Variants in THEMIS observed in about 807,000 individuals in gnomAD.
THEMIS encodes the protein protein THEMIS.
THEMIS carries 37 observed loss-of-function variants against 52.6 expected under a neutral mutation model. The observed-to-expected ratio is 0.70, with a 90% confidence interval of 0.54 to 0.93. The LOEUF (loss-of-function observed/expected upper bound fraction) is 0.93, where lower values mean the gene tolerates loss of function less well. Among genes scored for constraint, THEMIS ranks in the 40% least tolerant of loss-of-function variants. The pLI, the probability that THEMIS is intolerant of heterozygous loss-of-function variation, is 0.00. For missense variants in THEMIS, 808 were observed against 763.1 expected, an observed-to-expected ratio of 1.06 and a Z score of -0.69; for synonymous variants, 292 against 272.7, an observed-to-expected ratio of 1.07 and a Z score of -0.70.
chr6:127,874,566 C>CA (rs1353179500), intron 1 of THEMIS, among the ~76,000 whole-genome samples: 3 of 151,822 alleles, frequency 2.0e-5, no homozygotes, highest in Non-Finnish European at 2.9e-5. Context: ...TTCAAATCTC[C>CA]AAAAAAATCT....
intron 4 of THEMIS, among the ~76,000 whole-genome samples, chr6:127,746,947 T>A (rs1316463549): frequency 4.9e-5 from 4 of 81,242 alleles, no homozygotes; most frequent in Non-Finnish European, 8.4e-5. Context: ...ATATTATATA[T>A]AATTATATAT....
At chr6:127,781,662 G>T (rs981052976) in intron 4 of THEMIS, among the ~76,000 whole-genome samples, 2 of 152,090 alleles carry the variant, frequency 1.3e-5, no homozygotes, top group South Asian at 4.1e-4. Context: ...TCTGCTGCAG[G>T]TCTGCTGGAG....
intron 4 of THEMIS, among the ~76,000 whole-genome samples, chr6:127,765,770 A>G (rs535101186): frequency 1.3e-5 from 2 of 152,258 alleles, no homozygotes; most frequent in African/African-American, 2.4e-5. Flanking sequence ...GCTTAGAAGC[A>G]ATAGGTCATA....
intron 4 of THEMIS, among the ~76,000 whole-genome samples, chr6:127,803,774 G>A (rs1418713593): frequency 6.6e-6 from 1 of 152,112 alleles, no homozygotes; most frequent in Admixed American, 6.6e-5. Flanking sequence ...AGCATGATAA[G>A]CCTACATTCA....
chr6:127,732,908 T>A (rs776403357), intron 4 of THEMIS, among the ~76,000 whole-genome samples: 3 of 152,188 alleles, frequency 2.0e-5, no homozygotes, highest in African/African-American at 4.8e-5. Flanking sequence ...ACAGCTATAG[T>A]AGAGCCTGCA....
At chr6:127,705,625 T>C (rs1261928914), downstream of THEMIS, among the ~76,000 whole-genome samples, 1 of 152,228 alleles carries the variant, frequency 6.6e-6, no homozygotes, top group Non-Finnish European at 1.5e-5. Flanking sequence ...TTAGTTTACT[T>C]TTCCTTTCCA....
At chr6:127,859,724 AT>A (rs1287638388) in intron 1 of THEMIS, among the ~76,000 whole-genome samples, 1 of 152,168 alleles carries the variant, frequency 6.6e-6, no homozygotes, top group African/African-American at 2.4e-5. Flanking sequence ...ACAAGGAGTA[AT>A]GAGGGTAGTG....
At chr6:127,708,016 A>G (rs984914194), downstream of THEMIS, 3 of 152,078 alleles carry the variant, frequency 2.0e-5, no homozygotes, top group African/African-American at 4.8e-5. Flanking sequence ...TGAGCTCAGC[A>G]CTGTAAGTCC....
intron 4 of THEMIS, among the ~76,000 whole-genome samples, chr6:127,767,338 A>G (rs11753398): frequency 0.18 from 27,412 of 152,110 alleles, 3,083 homozygotes; most frequent in African/African-American, 0.32. Flanking sequence ...GTGATCTGCC[A>G]GCCTTGGCCT....
In THEMIS at chr6:127,862,428, A is replaced by ATTTTTTTTTTTTTTTTTTTTTTT. The variant is rs71028110; in HGVS notation, c.92-7241_92-7240insAAAAAAAAAAAAAAAAAAAAAAA. ...GCAGGTGAAATCTCCTAGGGAGTAA[A>ATTTTTTTTTTTTTTTTTTTTTTT]TTTTTTTTTTTTTTTTTTTTTTGCT... On this transcript the variant is annotated intron_variant, in intron 1 of 5. Coordinates refer to ENST00000368248, the MANE Select transcript of THEMIS (RefSeq NM_001010923.3). Among the ~76,000 whole-genome samples the ATTTTTTTTTTTTTTTTTTTTTTT allele has an allele frequency of 2.2e-3, 158 of 72,776 alleles. 22 individuals are homozygous for ATTTTTTTTTTTTTTTTTTTTTTT. The highest frequency in any genetic ancestry group is 3.4e-3 in the Non-Finnish European group (121 of 35,408). 47.7% of individuals were successfully genotyped at this position (72,776 alleles called of 152,430 possible).
intron 4 of THEMIS, among the ~76,000 whole-genome samples, chr6:127,807,943 C>G (rs1471755177): frequency 6.6e-6 from 1 of 152,152 alleles, no homozygotes; most frequent in Non-Finnish European, 1.5e-5. Flanking sequence ...CCCCAGGAAC[C>G]ATTGCTTTCC....
At chr6:127,880,937 A>T (rs1780465972) in intron 1 of THEMIS, among the ~76,000 whole-genome samples, 1 of 152,132 alleles carries the variant, frequency 6.6e-6, no homozygotes, top group African/African-American at 2.4e-5. Context: ...ACTTTTGTTA[A>T]AATCTTAGTT....
At chr6:127,778,435 G>A (rs1776636145) in intron 4 of THEMIS, among the ~76,000 whole-genome samples, 1 of 152,100 alleles carries the variant, frequency 6.6e-6, no homozygotes, top group South Asian at 2.1e-4. Context: ...ACAACATGTA[G>A]TTGGGTCTTA....
In THEMIS at chr6:127,829,724, A is replaced by G. The variant is rs1347655486; in HGVS notation, c.461T>C (p.Val154Ala). The G allele has an allele frequency of 1.2e-5, 19 of 1,614,080 alleles. No individual in the cohort carries two copies. Among genetic ancestry groups the G allele is most frequent in the Middle Eastern group, 1.7e-4 (1 of 6,060 alleles). Reference sequence around the variant, plus strand: ...TGAGTGAGTTTGATGATTCCTTGCTACTGCACAGCTCACCATTATTTCTCC... The same window carrying G: ...TGAGTGAGTTTGATGATTCCTTGCTGCTGCACAGCTCACCATTATTTCTCC... ...IDGEIMVSCA[V>A]ARNHQTHSFN... The change falls in exon 3 of 6, where the codon GTA becomes GCA. Residue 154 changes from valine to alanine, a missense_variant. Transcript: ENST00000368248.
At chr6:127,789,056 A>G (rs1777071230) in intron 4 of THEMIS, among the ~76,000 whole-genome samples, 1 of 152,170 alleles carries the variant, frequency 6.6e-6, no homozygotes, top group Non-Finnish European at 1.5e-5. Context: ...AGACAGAGAC[A>G]TGAAAAACCC....
intron 1 of THEMIS, among the ~76,000 whole-genome samples, chr6:127,897,830 A>G (rs1301466113): frequency 6.6e-6 from 1 of 151,720 alleles, no homozygotes; most frequent in East Asian, 1.9e-4. Flanking sequence ...CATGTACAAG[A>G]ATTTTCATGA....
chr6:127,853,277 A>T (rs1779494545), intron 2 of THEMIS, among the ~76,000 whole-genome samples: 1 of 151,666 alleles, frequency 6.6e-6, no homozygotes, highest in African/African-American at 2.4e-5. Context: ...GAATTGTTAC[A>T]TCTAATTAGA....
intron 4 of THEMIS, among the ~76,000 whole-genome samples, chr6:127,779,755 C>T (rs905819703): frequency 6.6e-6 from 1 of 152,078 alleles, no homozygotes; most frequent in Non-Finnish European, 1.5e-5. Flanking sequence ...TTCATAACCT[C>T]TCTTGGCCTT....
intron 4 of THEMIS, among the ~76,000 whole-genome samples, chr6:127,753,461 A>G (rs1775716256): frequency 6.6e-6 from 1 of 152,066 alleles, no homozygotes. Context: ...CAAGTATGTG[A>G]AAGATCTGTA....
Sources: gnomAD v4.1 joint callset for allele counts (sites outside exome capture counted in the v4.1 genomes callset) on GRCh38, gnomAD v4.1.1 for gene constraint, MANE v1.5 for transcripts, NCBI Gene and HGNC (gene_info 2026-07-23, HGNC 2026-07-21) for gene names.